Variants in FARS2 observed in about 807,000 individuals in gnomAD.
FARS2 encodes phenylalanine--tRNA ligase, mitochondrial.
A neutral mutation model predicts 46.4 loss-of-function variants in FARS2; 40 were observed. That is an observed-to-expected ratio of 0.86 (90% confidence interval 0.67 to 1.12). FARS2 has a LOEUF of 1.12. Ranked by LOEUF, FARS2 falls within the 50% of genes most tolerant of loss-of-function variation. The pLI, the probability that FARS2 is intolerant of heterozygous loss-of-function variation, is 0.00. For missense variants in FARS2, 513 were observed against 567.9 expected, an observed-to-expected ratio of 0.90 and a Z score of 0.98; for synonymous variants, 234 against 214.9, an observed-to-expected ratio of 1.09 and a Z score of -0.78.
intron 4 of FARS2, among the ~76,000 whole-genome samples, chr6:5,514,949 T>G (rs1015567578): frequency 3.2e-5 from 2 of 62,660 alleles, no homozygotes; most frequent in African/African-American, 8.1e-5. Flanking sequence ...TTGTTTTTTG[T>G]TTTTTTTTTC....
At chr6:5,409,576 G>T (rs561699677) in intron 3 of FARS2, among the ~76,000 whole-genome samples, 1 of 152,176 alleles carries the variant, frequency 6.6e-6, no homozygotes, top group Admixed American at 6.5e-5. Context: ...TTTTATTACA[G>T]ATCGATGTTG....
intron 6 of FARS2, among the ~76,000 whole-genome samples, chr6:5,748,040 A>G (rs1030769729): frequency 6.6e-6 from 1 of 152,118 alleles, no homozygotes; most frequent in African/African-American, 2.4e-5. Flanking sequence ...ATGTTGCTCA[A>G]AATCTGCCTC....
chr6:5,737,895 G>A (rs936195423), intron 6 of FARS2, among the ~76,000 whole-genome samples: 9 of 152,168 alleles, frequency 5.9e-5, no homozygotes, highest in Non-Finnish European at 1.3e-4. Flanking sequence ...ATTCCCCATG[G>A]CACTATTAGC....
At chr6:5,299,406 G>A (rs1490384661) in intron 1 of FARS2, among the ~76,000 whole-genome samples, 1 of 152,182 alleles carries the variant, frequency 6.6e-6, no homozygotes, top group Non-Finnish European at 1.5e-5. Flanking sequence ...CTTTGTCTGA[G>A]CCCCTTCTGG....
At chr6:5,659,063 C>T (rs969429520) in intron 6 of FARS2, among the ~76,000 whole-genome samples, 2 of 152,294 alleles carry the variant, frequency 1.3e-5, no homozygotes, top group African/African-American at 4.8e-5. Context: ...CCATTCTTAG[C>T]AGTACCTCAT....
At chr6:5,336,780 T>G (rs1203180035) in intron 1 of FARS2, among the ~76,000 whole-genome samples, 2 of 152,194 alleles carry the variant, frequency 1.3e-5, no homozygotes, top group Admixed American at 1.3e-4. Flanking sequence ...AGAAAATATA[T>G]GCGTGTGTTT....
intron 4 of FARS2, among the ~76,000 whole-genome samples, chr6:5,472,604 A>G (rs1353360782): frequency 1.3e-5 from 2 of 152,148 alleles, no homozygotes; most frequent in East Asian, 1.9e-4. Context: ...CCTTAATTTT[A>G]TAGAAGCATG....
intron 6 of FARS2, among the ~76,000 whole-genome samples, chr6:5,673,908 G>C (rs1250585289): frequency 6.6e-6 from 1 of 152,060 alleles, no homozygotes; most frequent in Admixed American, 6.5e-5. Context: ...TGTTAAATGT[G>C]TTCCTCTCTG....
At chr6:5,537,095 G>T (rs989343264) in intron 4 of FARS2, among the ~76,000 whole-genome samples, 2 of 152,128 alleles carry the variant, frequency 1.3e-5, no homozygotes, top group African/African-American at 2.4e-5. Flanking sequence ...CATACAGGCT[G>T]CACTTGCCTT....
intron 4 of FARS2, among the ~76,000 whole-genome samples, chr6:5,472,746 A>G (rs972063039): frequency 6.6e-6 from 1 of 152,200 alleles, no homozygotes; most frequent in African/African-American, 2.4e-5. Context: ...ATAGCATGTC[A>G]TGAATCCCCT....
At chr6:5,528,875 T>C (rs962399680) in intron 4 of FARS2, among the ~76,000 whole-genome samples, 1 of 152,154 alleles carries the variant, frequency 6.6e-6, no homozygotes, top group Non-Finnish European at 1.5e-5. Flanking sequence ...ATTTTGTAGT[T>C]ATGAAATTAC....
chr6:5,288,203 G>T (rs1767260154), intron 1 of FARS2, among the ~76,000 whole-genome samples: 1 of 152,148 alleles, frequency 6.6e-6, no homozygotes, highest in Non-Finnish European at 1.5e-5. Context: ...TTCATGTTTT[G>T]TCCAACCATC....
intron 6 of FARS2, among the ~76,000 whole-genome samples, chr6:5,624,531 A>G (rs1030506062): frequency 3.9e-5 from 6 of 152,208 alleles, no homozygotes; most frequent in African/African-American, 1.4e-4. Flanking sequence ...TGTATCTTCA[A>G]TGTTCTGCTG....
Position 5,654,417 on chromosome 6 carries a change from C to CA in FARS2, c.1217+41105dup, listed in dbSNP as rs200137822. ...CAGTTGATGTTTAAAATATTTATTC[C>CA]AAAAAAAACAAAGATGTTCTCAGCC... On this transcript the variant is annotated intron_variant, in intron 6 of 6. Coordinates refer to ENST00000274680, the MANE Select transcript of FARS2 (RefSeq NM_006567.5). Among the ~76,000 whole-genome samples the CA allele has an allele frequency of 2.1e-3, 318 of 151,558 alleles. 2 individuals carry two copies. Among genetic ancestry groups the CA allele is most frequent in the African/African-American group, 7.3e-3 (300 of 41,280 alleles).
intron 6 of FARS2, among the ~76,000 whole-genome samples, chr6:5,652,252 C>T (rs570211623): frequency 8.5e-5 from 13 of 152,322 alleles, no homozygotes; most frequent in African/African-American, 3.1e-4. Context: ...AAGGAACCAA[C>T]TAGAAGAGTT....
intron 1 of FARS2, among the ~76,000 whole-genome samples, chr6:5,346,172 G>A (rs556402354): frequency 4.6e-5 from 7 of 152,302 alleles, no homozygotes; most frequent in African/African-American, 1.2e-4. Context: ...GATCTTTAAT[G>A]TTCTTTCCTG....
chr6:5,603,287 G>A (rs763303652), intron 5 of FARS2, among the ~76,000 whole-genome samples: 3 of 152,140 alleles, frequency 2.0e-5, no homozygotes, highest in Non-Finnish European at 4.4e-5. Flanking sequence ...TGTTAAAATG[G>A]TTTTCGCCAC....
At chr6:5,769,964 T>C (rs1010295055) in intron 6 of FARS2, among the ~76,000 whole-genome samples, 2 of 151,160 alleles carry the variant, frequency 1.3e-5, no homozygotes, top group Non-Finnish European at 2.9e-5. Flanking sequence ...GAAGGGGAGG[T>C]GAAGGGGCAG....
At position 5,744,770 on chromosome 6, in the gene FARS2, A is replaced by G. The variant is rs370112569; in HGVS notation, c.1218-26521A>G. ...GCAGTCCCGTGATTGGCGCATAGCC[A>G]AGGAAACCTAACAGGAGGCAGCACA... On this transcript the variant is annotated intron_variant, in intron 6 of 6. Coordinates refer to ENST00000274680, the MANE Select transcript of FARS2 (RefSeq NM_006567.5). 1.8e-4 allele frequency among the ~76,000 whole-genome samples: 27 copies of G among 152,386 alleles called. No homozygotes were observed. In the East Asian group the frequency reaches 5.0e-3, roughly 28 times the overall value.
Sources: allele counts gnomAD v4.1 joint callset (sites outside exome capture counted in the v4.1 genomes callset), GRCh38; gene constraint gnomAD v4.1.1; transcripts MANE v1.5; gene names NCBI Gene and HGNC (gene_info 2026-07-23, HGNC 2026-07-21).